The following TRPS1 variants were observed in gnomAD, a reference collection of about 807,000 sequenced individuals.
TRPS1 encodes the protein zinc finger transcription factor Trps1.
In TRPS1, 6 loss-of-function variants were observed where a neutral mutation model predicts 101.2. That is an observed-to-expected ratio of 0.06 (90% CI 0.03 to 0.12). The LOEUF is 0.12. TRPS1 is among the 10% of genes least tolerant of loss of function. TRPS1 has a pLI of 1.00. For missense variants in TRPS1, 1,363 were observed against 1,567.0 expected, an observed-to-expected ratio of 0.87 and a Z score of 2.20; for synonymous variants, 578 against 589.8, an observed-to-expected ratio of 0.98 and a Z score of 0.29.
chr8:115,522,671 CAAAGA>C (rs1815894774), intron 5 of TRPS1, among the ~76,000 whole-genome samples: 2 of 151,794 alleles, frequency 1.3e-5, no homozygotes, highest in Admixed American at 1.3e-4. Context: ...AAAATAATAT[CAAAGA>C]AAAGAAAGCA....
At chr8:115,428,580 A>T (rs1458955794) in intron 5 of TRPS1, among the ~76,000 whole-genome samples, 1 of 152,242 alleles carries the variant, frequency 6.6e-6, no homozygotes, top group Non-Finnish European at 1.5e-5. Flanking sequence ...GGTTCAAAAC[A>T]GTTAAAAGAG....
intron 5 of TRPS1, among the ~76,000 whole-genome samples, chr8:115,425,764 A>G (rs978693354): frequency 6.6e-6 from 1 of 152,228 alleles, no homozygotes; most frequent in Non-Finnish European, 1.5e-5. Flanking sequence ...TATAAAACCT[A>G]TTACACAGAT....
chr8:115,646,463 G>A (rs755673732), intron 1 of TRPS1, among the ~76,000 whole-genome samples: 8 of 152,114 alleles, frequency 5.3e-5, no homozygotes, highest in Non-Finnish European at 8.8e-5. Context: ...CATATCTGGA[G>A]AACAAATAAA....
At chr8:115,507,099 C>A (rs1230000747) in intron 5 of TRPS1, among the ~76,000 whole-genome samples, 1 of 152,038 alleles carries the variant, frequency 6.6e-6, no homozygotes, top group African/African-American at 2.4e-5. Context: ...AAGAACTGTT[C>A]TACTGTCTGT....
intron 5 of TRPS1, among the ~76,000 whole-genome samples, chr8:115,510,226 C>T (rs1815548553): frequency 6.6e-6 from 1 of 151,866 alleles, no homozygotes; most frequent in South Asian, 2.1e-4. Context: ...CTGTGTCATA[C>T]CCTTTGCTTT....
At chr8:115,620,884 C>T (rs1449367350) in intron 2 of TRPS1, among the ~76,000 whole-genome samples, 1 of 152,178 alleles carries the variant, frequency 6.6e-6, no homozygotes. Context: ...GAAAACAGTA[C>T]CTGTTCCACC....
rs140441508 is a variant in TRPS1 at position 115,624,715 on chromosome 8, G to A, written c.-121-957C>T. On this transcript the variant is annotated intron_variant, in intron 1 of 6. Coordinates refer to ENST00000395715, the MANE Select transcript of TRPS1 (RefSeq NM_014112.5). ...ATAGGAGTGCACTATTTCTGTTACCGTATAATTTAGACAGATTTATGCAGT... is the reference window on the plus strand; with the variant it reads ...ATAGGAGTGCACTATTTCTGTTACCATATAATTTAGACAGATTTATGCAGT... Among the ~76,000 whole-genome samples the A allele has an allele frequency of 3.2e-3, 480 of 151,674 alleles. 3 individuals are homozygous for A. Among genetic ancestry groups the A allele is most frequent in the African/African-American group, 0.011 (442 of 41,428 alleles).
At chr8:115,534,928 G>A (rs1047623192) in intron 5 of TRPS1, among the ~76,000 whole-genome samples, 2 of 151,452 alleles carry the variant, frequency 1.3e-5, no homozygotes, top group Admixed American at 6.6e-5. Flanking sequence ...GAATGCTTTA[G>A]GTTGGAGAAG....
chr8:115,540,598 G>A (rs921442536), intron 5 of TRPS1, among the ~76,000 whole-genome samples: 8 of 151,442 alleles, frequency 5.3e-5, no homozygotes, highest in Non-Finnish European at 1.0e-4. Flanking sequence ...CAGTTAAAGT[G>A]GGGAATCATA....
chr8:115,635,052 T>C (rs1818736658), intron 1 of TRPS1, among the ~76,000 whole-genome samples: 2 of 152,072 alleles, frequency 1.3e-5, no homozygotes, highest in Non-Finnish European at 2.9e-5. Flanking sequence ...GTATGAACAG[T>C]GAAAAAACCA....
At chr8:115,550,233 T>C (rs1816672152) in intron 5 of TRPS1, among the ~76,000 whole-genome samples, 1 of 152,090 alleles carries the variant, frequency 6.6e-6, no homozygotes. Flanking sequence ...TGATTTCTAA[T>C]GGCAACCAAT....
intron 4 of TRPS1, among the ~76,000 whole-genome samples, chr8:115,597,398 T>C (rs551582729): frequency 6.6e-5 from 10 of 152,066 alleles, no homozygotes; most frequent in African/African-American, 1.9e-4. Flanking sequence ...CTTTTTGTCA[T>C]TGAGGTCTCA....
intron 5 of TRPS1, among the ~76,000 whole-genome samples, chr8:115,499,494 A>C (rs976921590): frequency 6.6e-6 from 1 of 152,154 alleles, no homozygotes; most frequent in Non-Finnish European, 1.5e-5. Context: ...TAGCTGGTGA[A>C]GACAAAATCT....
At position 115,412,759 on chromosome 8, in the gene TRPS1, A is replaced by G. The variant is rs1246046457; in HGVS notation, c.*1264T>C. ...AACAGCACCTTTAACCAATTATTTA[A>G]TGTTCAGTTATTTAGCCCTATTTCC... On this transcript the variant is annotated 3_prime_UTR_variant, in exon 7 of 7. Coordinates refer to ENST00000395715, the MANE Select transcript of TRPS1 (RefSeq NM_014112.5). The G allele has an allele frequency of 6.6e-6, 1 of 152,538 alleles. No homozygotes were observed. Among genetic ancestry groups the G allele is most frequent in the Non-Finnish European group, 1.5e-5 (1 of 68,002 alleles). The allele number at this position is 152,538 out of a possible 1,614,324, so 9.4% of individuals were successfully genotyped here. A position where few individuals can be genotyped will look rare whatever the true frequency, so the allele number is the denominator to read the frequency against.
At chr8:115,556,255 AT>A (rs139815003) in intron 5 of TRPS1, among the ~76,000 whole-genome samples, 2,964 of 152,004 alleles carry the variant, frequency 0.019, 47 homozygotes, top group African/African-American at 0.044. Flanking sequence ...TGACAAAACT[AT>A]TTTTTTTAAC....
intron 5 of TRPS1, among the ~76,000 whole-genome samples, chr8:115,420,573 C>T (rs1813028511): frequency 6.6e-6 from 1 of 152,196 alleles, no homozygotes; most frequent in African/African-American, 2.4e-5. Context: ...GCCCTGGGTG[C>T]TTGACACACC....
chr8:115,428,733 AGT>A (rs1813248593), intron 5 of TRPS1, among the ~76,000 whole-genome samples: 1 of 152,174 alleles, frequency 6.6e-6, no homozygotes, highest in Non-Finnish European at 1.5e-5. Flanking sequence ...GGAATGGGGC[AGT>A]GGGAGACTAA....
chr8:115,608,746 T>C (rs1002955278), intron 3 of TRPS1, among the ~76,000 whole-genome samples: 8 of 151,702 alleles, frequency 5.3e-5, no homozygotes, highest in East Asian at 1.9e-4. Flanking sequence ...TAGCCACAAG[T>C]AGGCTTAGTA....
intron 5 of TRPS1, among the ~76,000 whole-genome samples, chr8:115,477,313 A>C (rs950493578): frequency 1.2e-4 from 18 of 152,200 alleles, no homozygotes; most frequent in African/African-American, 4.3e-4. Flanking sequence ...TAAAACAATT[A>C]TAGGTGTGCC....
Sources: allele counts gnomAD v4.1 joint callset (sites outside exome capture counted in the v4.1 genomes callset), GRCh38; gene constraint gnomAD v4.1.1; transcripts MANE v1.5; gene names NCBI Gene and HGNC (gene_info 2026-07-23, HGNC 2026-07-21).